TM7SF3: variants seen among roughly 807,000 people sequenced by gnomAD.
TM7SF3 encodes the protein seven span transmembrane protein.
A neutral mutation model predicts 65.5 loss-of-function variants in TM7SF3; 60 were observed. The observed-to-expected ratio is 0.92, with a 90% CI of 0.74 to 1.14. TM7SF3 has a LOEUF of 1.14. TM7SF3 is among the 50% of genes most tolerant of loss of function. The pLI is 0.00. For synonymous variants in TM7SF3, 264 were observed against 259.6 expected (o/e 1.02, Z -0.16); for missense variants, 623 against 684.8 (o/e 0.91, Z 1.01).
intron 9 of TM7SF3, chr12:26,979,458 A>G (rs536445215): frequency 3.2e-5 from 8 of 252,802 alleles, no homozygotes; most frequent in African/African-American, 1.3e-4. Context: ...ACAAAGTACC[A>G]GGTTCCCCGA....
chr12:26,975,689 T>C (rs1160631356), intron 10 of TM7SF3, 31 bp from the exon 11 acceptor site: 1 of 1,609,998 alleles, frequency 6.2e-7, no homozygotes, highest in East Asian at 2.2e-5. Context: ...TTAGGCATCA[T>C]CCATGTTAGA....
At chr12:26,975,770 A>AAGGACC in intron 10 of TM7SF3, 112 bp from the exon 11 acceptor site, 1 of 1,194,148 alleles carries the variant, frequency 8.4e-7, no homozygotes, top group Non-Finnish European at 1.2e-6. Context: ...AGGCATGAAA[A>AAGGACC]AGGACCAGAC....
At chr12:27,010,002 T>C (rs750235801) in intron 1 of TM7SF3, among the ~76,000 whole-genome samples, 6 of 152,210 alleles carry the variant, frequency 3.9e-5, no homozygotes, top group Non-Finnish European at 7.3e-5. Context: ...GATTTTGTCA[T>C]TTTTGATGTT....
chr12:27,010,272 C>A (rs1941195620), intron 1 of TM7SF3, among the ~76,000 whole-genome samples: 1 of 152,202 alleles, frequency 6.6e-6, no homozygotes, highest in Non-Finnish European at 1.5e-5. Flanking sequence ...TTCACACATT[C>A]ATCTCCTTAT....
intron 1 of TM7SF3, among the ~76,000 whole-genome samples, chr12:27,008,746 A>G (rs1487021417): frequency 4.6e-5 from 7 of 152,208 alleles, no homozygotes; most frequent in African/African-American, 1.7e-4. Flanking sequence ...TCTACTTGAC[A>G]GCAACCTTCA....
At chr12:27,008,609 G>A (rs948955965) in intron 1 of TM7SF3, among the ~76,000 whole-genome samples, 1 of 152,154 alleles carries the variant, frequency 6.6e-6, no homozygotes, top group African/African-American at 2.4e-5. Context: ...AGATCATGAA[G>A]ATACATTCCC....
At chr12:26,996,515 C>T (rs956536065) in intron 4 of TM7SF3, among the ~76,000 whole-genome samples, 3 of 152,210 alleles carry the variant, frequency 2.0e-5, no homozygotes, top group African/African-American at 7.2e-5. Flanking sequence ...AATAGACTCA[C>T]ATCTGGCTCT....
chr12:26,982,743 T>G, intron 7 of TM7SF3, 30 bp downstream of exon 7: 1 of 1,523,782 alleles, frequency 6.6e-7, no homozygotes, highest in South Asian at 1.2e-5. Context: ...GACTGCAAAA[T>G]GGAAATAGCA....
chr12:26,996,649 GA>G, intron 4 of TM7SF3, 92 bp downstream of exon 4: 1 of 1,328,250 alleles, frequency 7.5e-7, no homozygotes, highest in Non-Finnish European at 1.0e-6. Flanking sequence ...TTTTACTACA[GA>G]GAATTAGGGA....
chr12:27,003,175 C>T lies in TM7SF3; in HGVS notation c.246+61G>A, dbSNP rs1019803682. 260 of 1,239,072 alleles carry T rather than the reference C, an allele frequency of 2.1e-4. 1 individual carries two copies. The highest frequency in any genetic ancestry group is 2.6e-4 in the Non-Finnish European group (228 of 884,038). 76.8% of individuals were successfully genotyped at this position (1,239,072 alleles called of 1,614,324 possible). On this transcript the variant is annotated intron_variant, in intron 2 of 11. Coordinates refer to ENST00000343028, the MANE Select transcript of TM7SF3 (RefSeq NM_016551.3). ...GAGATATCAAATTCTAATGCTCATA[C>T]TAAATACCAGACCCCCAAAATATAG...
intron 3 of TM7SF3, among the ~76,000 whole-genome samples, chr12:26,997,395 T>A (rs966027213): frequency 4.6e-5 from 7 of 152,202 alleles, no homozygotes; most frequent in African/African-American, 1.7e-4. Flanking sequence ...CCAAATTCTA[T>A]GCTCTTCTTT....
intron 1 of TM7SF3, among the ~76,000 whole-genome samples, chr12:27,007,933 T>G (rs1941100855): frequency 6.6e-6 from 1 of 152,208 alleles, no homozygotes; most frequent in African/African-American, 2.4e-5. Context: ...AATTGTATAC[T>G]TCATGAAATA....
At chr12:27,004,432 T>G (rs903255661) in intron 1 of TM7SF3, among the ~76,000 whole-genome samples, 1 of 152,208 alleles carries the variant, frequency 6.6e-6, no homozygotes, top group African/African-American at 2.4e-5. Flanking sequence ...AAGATTATAA[T>G]TCACCCGAGT....
At chr12:27,009,607 A>G (rs1941171558) in intron 1 of TM7SF3, among the ~76,000 whole-genome samples, 1 of 152,136 alleles carries the variant, frequency 6.6e-6, no homozygotes, top group African/African-American at 2.4e-5. Context: ...TATATTGATC[A>G]GACTGGTCTT....
chr12:26,986,833 A>G (rs967352413), intron 6 of TM7SF3, among the ~76,000 whole-genome samples: 1 of 152,188 alleles, frequency 6.6e-6, no homozygotes, highest in African/African-American at 2.4e-5. Context: ...ATGTTGCTAA[A>G]TCCAAGGGTC....
intron 9 of TM7SF3, chr12:26,978,004 G>A (rs750873865): frequency 8.9e-5 from 36 of 406,186 alleles, no homozygotes; most frequent in Non-Finnish European, 1.6e-4. Flanking sequence ...GCTGATGTAA[G>A]AGGATGGCTT....
intron 11 of TM7SF3, among the ~76,000 whole-genome samples, chr12:26,974,433 A>G (rs1939485987): frequency 6.6e-6 from 1 of 152,150 alleles, no homozygotes; most frequent in South Asian, 2.1e-4. Flanking sequence ...GGAATTTTCT[A>G]TTACAGGCAT....
At chr12:26,984,556 C>T (rs573768327) in intron 6 of TM7SF3, among the ~76,000 whole-genome samples, 3 of 151,752 alleles carry the variant, frequency 2.0e-5, no homozygotes, top group East Asian at 1.9e-4. Context: ...ACACCAAAAC[C>T]ATTAAATTTG....
Position 26,975,395 on chromosome 12 carries a change from T to C in TM7SF3, c.1450+101A>G, listed in dbSNP as rs529063155. 83 of 1,227,712 alleles carry C rather than the reference T, an allele frequency of 6.8e-5. No homozygotes were observed. In the East Asian group the frequency reaches 1.8e-3, roughly 27 times the overall value. 76.1% of individuals were successfully genotyped at this position (1,227,712 alleles called of 1,614,324 possible). On this transcript the variant is annotated intron_variant, in intron 11 of 11. Coordinates refer to ENST00000343028, the MANE Select transcript of TM7SF3 (RefSeq NM_016551.3). ...GCTGTGTTCCCTCCTTTTGTCCCAG[T>C]TGACTTTCTTTAAATTTAGTTTCCA...
Sources: gnomAD v4.1 joint callset for allele counts (sites outside exome capture counted in the v4.1 genomes callset) on GRCh38, gnomAD v4.1.1 for gene constraint, MANE v1.5 for transcripts, NCBI Gene and HGNC (gene_info 2026-07-23, HGNC 2026-07-21) for gene names.